NDEL1: variants seen among roughly 807,000 people sequenced by gnomAD.
The protein encoded by NDEL1 is nuclear distribution protein nudE-like 1.
Under a neutral mutation model 45.7 loss-of-function variants are expected in NDEL1, and 9 were observed. The ratio of observed to expected loss-of-function variants is 0.20; its 90% CI spans 0.12 to 0.34. The LOEUF (loss-of-function observed/expected upper bound fraction) is 0.34. NDEL1 is among the 10% of genes least tolerant of loss of function. The pLI is 1.00. For missense variants in NDEL1, 306 were observed against 406.2 expected, an observed-to-expected ratio of 0.75 and a Z score of 2.12; for synonymous variants, 133 against 158.6, an observed-to-expected ratio of 0.84 and a Z score of 1.21.
intron 1 of NDEL1, among the ~76,000 whole-genome samples, chr17:8,441,967 A>G (rs1417782832): frequency 6.6e-6 from 1 of 151,782 alleles, no homozygotes; most frequent in Non-Finnish European, 1.5e-5. Context: ...CATTTCCTGA[A>G]TTGTCTGTTT....
At chr17:8,451,102 T>G in intron 6 of NDEL1, 149 bp downstream of exon 6, 1 of 603,278 alleles carries the variant, frequency 1.7e-6, no homozygotes, top group South Asian at 3.9e-5. Flanking sequence ...GAAGGAATTG[T>G]TTTCCTAGGC....
intron 8 of NDEL1, among the ~76,000 whole-genome samples, chr17:8,460,950 C>T (rs1005292316): frequency 1.3e-5 from 2 of 152,116 alleles, no homozygotes; most frequent in South Asian, 2.1e-4. Flanking sequence ...TTTTTAAATA[C>T]TACATGGTAA....
chr17:8,473,960 T>G (rs1361893392), intron 3 of NDEL1, among the ~76,000 whole-genome samples: 1 of 152,200 alleles, frequency 6.6e-6, no homozygotes, highest in Non-Finnish European at 1.5e-5. Context: ...ATCACTCCCT[T>G]GACAGGTGGG....
chr17:8,429,186 C>CT (rs1908941967), intron 1 of NDEL1, among the ~76,000 whole-genome samples: 1 of 152,134 alleles, frequency 6.6e-6, no homozygotes, highest in African/African-American at 2.4e-5. Flanking sequence ...TCTATGGTGA[C>CT]TTTTTTCAGG....
intron 1 of NDEL1, among the ~76,000 whole-genome samples, chr17:8,437,537 C>A (rs1567726426): frequency 6.6e-6 from 1 of 152,142 alleles, no homozygotes; most frequent in Non-Finnish European, 1.5e-5. Context: ...TTTCTGAGCA[C>A]TCCATAAAGT....
chr17:8,428,792 G>T (rs369987120), intron 1 of NDEL1, among the ~76,000 whole-genome samples: 1 of 151,938 alleles, frequency 6.6e-6, no homozygotes, highest in East Asian at 1.9e-4. Context: ...TCCTGCCTCA[G>T]CCTCCCGAGT....
At chr17:8,468,472 T>C (rs1294140651), downstream of NDEL1, among the ~76,000 whole-genome samples, 1 of 152,246 alleles carries the variant, frequency 6.6e-6, no homozygotes, top group Non-Finnish European at 1.5e-5. Flanking sequence ...GTAACTGGGA[T>C]GGATCCGGGA....
chr17:8,440,746 G>T (rs1165053887), intron 1 of NDEL1, among the ~76,000 whole-genome samples: 2 of 152,118 alleles, frequency 1.3e-5, no homozygotes, highest in Non-Finnish European at 2.9e-5. Flanking sequence ...GAGACAAATG[G>T]ATACTCGCAA....
At chr17:8,458,277 C>T (rs1954783913) in intron 7 of NDEL1, among the ~76,000 whole-genome samples, 2 of 151,934 alleles carry the variant, frequency 1.3e-5, no homozygotes, top group South Asian at 4.1e-4. Flanking sequence ...TCTTCATCTG[C>T]TCACCCTTTC....
intron 7 of NDEL1, among the ~76,000 whole-genome samples, chr17:8,458,560 G>A (rs1406762387): frequency 6.6e-6 from 1 of 151,944 alleles, no homozygotes; most frequent in Non-Finnish European, 1.5e-5. Flanking sequence ...GTGTGTGTGT[G>A]TGTGTGTGTA....
chr17:8,443,639 G>A (rs962757385), intron 1 of NDEL1, among the ~76,000 whole-genome samples: 1 of 152,108 alleles, frequency 6.6e-6, no homozygotes, highest in Non-Finnish European at 1.5e-5. Flanking sequence ...TCTCCTCTCT[G>A]AATGCCTTGG....
intron 1 of NDEL1, among the ~76,000 whole-genome samples, chr17:8,442,818 C>G (rs1276267434): frequency 8.5e-6 from 1 of 117,518 alleles, no homozygotes; most frequent in East Asian, 2.7e-4. Context: ...TAGACGGAGT[C>G]TCGCTCTGTC....
chr17:8,423,842 G>A (rs917331028), intron 1 of NDEL1, among the ~76,000 whole-genome samples: 5 of 152,186 alleles, frequency 3.3e-5, no homozygotes, highest in African/African-American at 1.2e-4. Context: ...TTACTGACAT[G>A]AGTGCTCAGG....
intron 1 of NDEL1, among the ~76,000 whole-genome samples, chr17:8,428,993 C>T (rs1467894036): frequency 6.6e-6 from 1 of 152,182 alleles, no homozygotes; most frequent in African/African-American, 2.4e-5. Context: ...ATTTTAAAAA[C>T]ACATTATTAT....
chr17:8,462,845 C>T (rs4791707), intron 8 of NDEL1: 61,087 of 154,914 alleles, frequency 0.39, 12,061 homozygotes, highest in South Asian at 0.45. Context: ...CATGTGTTCA[C>T]CTTCCCACCC....
At chr17:8,455,461 G>A (rs1910775046) in intron 7 of NDEL1, among the ~76,000 whole-genome samples, 1 of 152,136 alleles carries the variant, frequency 6.6e-6, no homozygotes, top group Admixed American at 6.6e-5. Context: ...GCTGAGGCGG[G>A]TGGATCACCT....
chr17:8,418,097 C>T (rs1036767989), intron 1 of NDEL1, among the ~76,000 whole-genome samples: 1 of 152,224 alleles, frequency 6.6e-6, no homozygotes, highest in Non-Finnish European at 1.5e-5. Flanking sequence ...AGTTTTCAGC[C>T]TTTTCTGATC....
At chr17:8,461,856 C>T (rs1454994645) in intron 8 of NDEL1, among the ~76,000 whole-genome samples, 1 of 152,072 alleles carries the variant, frequency 6.6e-6, no homozygotes, top group Non-Finnish European at 1.5e-5. Flanking sequence ...GCCGCAGGTG[C>T]CTTTCATGAG....
In NDEL1 at chr17:8,446,015, G is replaced by A. The variant is rs890734150; in HGVS notation, c.240+151G>A. ...TTTTGAATAAAATGTTTTCTTTCAC[G>A]GAACCAGGGGAAAAGGTGGTTTAGA... On this transcript the variant is annotated intron_variant, in intron 3 of 8. Coordinates refer to ENST00000334527, the MANE Select transcript of NDEL1 (RefSeq NM_030808.5). 9.7e-6 allele frequency: 7 copies of A among 721,138 alleles called. No individual in the cohort carries two copies. The African/African-American group carries it at 1.3e-4, about 13-fold the overall frequency. The allele number at this position is 721,138 out of a possible 1,614,324, so 44.7% of individuals were successfully genotyped here. A position where few individuals can be genotyped will look rare whatever the true frequency, so the allele number is the denominator to read the frequency against.
Sources: gnomAD v4.1 joint callset for allele counts (sites outside exome capture counted in the v4.1 genomes callset) on GRCh38, gnomAD v4.1.1 for gene constraint, MANE v1.5 for transcripts, NCBI Gene and HGNC (gene_info 2026-07-23, HGNC 2026-07-21) for gene names.